MORC4: variants seen among roughly 807,000 people sequenced by gnomAD.
MORC4 encodes the protein MORC family CW-type zinc finger protein 4.
A neutral mutation model predicts 65.5 loss-of-function variants in MORC4; 22 were observed. The observed-to-expected ratio is 0.34, with a 90% CI of 0.24 to 0.48. The LOEUF is 0.48. Among genes scored for constraint, MORC4 ranks in the 20% least tolerant of loss-of-function variants. The probability of loss-of-function intolerance (pLI) is 0.99; values close to 1 mark genes in which losing one functional copy is unlikely to be tolerated. For missense variants in MORC4, 624 were observed against 703.0 expected (o/e 0.89, Z 1.27); for synonymous variants, 267 against 255.8 (o/e 1.04, Z -0.42).
chrX:106,978,037 A>G (rs1339481836), intron 8 of MORC4, 43 bp downstream of exon 8: 2 of 1,196,930 alleles, frequency 1.7e-6, no homozygotes, highest in African/African-American at 1.8e-5. Flanking sequence ...TTCTCTTCCT[A>G]CTCTTTTCAG....
At chrX:106,995,867 C>T (rs1935069747) in intron 2 of MORC4, among the ~76,000 whole-genome samples, 1 of 112,215 alleles carries the variant, frequency 8.9e-6, no homozygotes, top group Non-Finnish European at 1.9e-5. Context: ...TTTCAAGAAC[C>T]TTTACTCGCC....
intron 5 of MORC4, 104 bp from the exon 6 acceptor site, chrX:106,981,581 A>G: frequency 1.4e-6 from 1 of 728,229 alleles, no homozygotes; most frequent in Non-Finnish European, 2.0e-6. Context: ...GCCAAAACTC[A>G]GGTATCTGTT....
At chrX:106,976,888 G>A (rs1934636023) in intron 8 of MORC4, among the ~76,000 whole-genome samples, 1 of 111,365 alleles carries the variant, frequency 9.0e-6, no homozygotes, top group East Asian at 2.8e-4. Flanking sequence ...TTCTAGGGCA[G>A]AGATTTTCAA....
At chrX:106,947,939 C>A (rs1367308210) in intron 14 of MORC4, among the ~76,000 whole-genome samples, 1 of 109,793 alleles carries the variant, frequency 9.1e-6, no homozygotes. Context: ...TATATAAAAT[C>A]TGATATCTGT....
chrX:106,947,880 T>C (rs752017092), intron 14 of MORC4, among the ~76,000 whole-genome samples: 13 of 107,858 alleles, frequency 1.2e-4, no homozygotes, highest in Non-Finnish European at 1.9e-4. Context: ...ACAATAATAG[T>C]TGGAGACTTC....
intron 3 of MORC4, among the ~76,000 whole-genome samples, chrX:106,990,243 T>C (rs1207496405): frequency 9.1e-6 from 1 of 109,946 alleles, no homozygotes; most frequent in African/African-American, 3.3e-5. Flanking sequence ...AAAAAATCTC[T>C]TTTATTTTTA....
chrX:106,970,319 A>G (rs374665223), intron 9 of MORC4, among the ~76,000 whole-genome samples: 1 of 112,267 alleles, frequency 8.9e-6, no homozygotes, highest in African/African-American at 3.2e-5. Flanking sequence ...TATTGATGGA[A>G]CCTATCTCAA....
At chrX:106,964,000 C>T (rs1934315359) in intron 9 of MORC4, among the ~76,000 whole-genome samples, 2 of 110,052 alleles carry the variant, frequency 1.8e-5, no homozygotes, top group Admixed American at 9.7e-5. Flanking sequence ...GGCATACAAA[C>T]AAACAAGACA....
chrX:106,960,062 CCTCTAAG>C (rs1235252297), intron 10 of MORC4, among the ~76,000 whole-genome samples: 1 of 112,074 alleles, frequency 8.9e-6, no homozygotes, highest in Non-Finnish European at 1.9e-5. Flanking sequence ...AGCCTTGCAA[CCTCTAAG>C]CTCTAAGCTC....
At chrX:106,942,246 A>G in intron 15 of MORC4, 25 bp from the exon 16 acceptor site, 1 of 1,190,041 alleles carries the variant, frequency 8.4e-7, no homozygotes, top group Non-Finnish European at 1.1e-6. Flanking sequence ...ACAGAAATTC[A>G]ATGACCCCAC....
chrX:106,961,968 G>A (rs1934255525), intron 10 of MORC4, 44 bp downstream of exon 10: 2 of 1,014,748 alleles, frequency 2.0e-6, no homozygotes, highest in Non-Finnish European at 2.8e-6. Flanking sequence ...TTTGATCTAT[G>A]GATATTACCC....
intron 14 of MORC4, among the ~76,000 whole-genome samples, chrX:106,947,530 G>GGT (rs1933858978): frequency 1.3e-5 from 1 of 77,843 alleles, no homozygotes; most frequent in African/African-American, 5.0e-5. Flanking sequence ...TCTGTAGTTA[G>GGT]GTATATATAT....
At chrX:106,994,636 A>T (rs1182642852) in intron 2 of MORC4, among the ~76,000 whole-genome samples, 1 of 112,488 alleles carries the variant, frequency 8.9e-6, no homozygotes, top group Non-Finnish European at 1.9e-5. Context: ...CAAAACACAG[A>T]TTAATTTCAA....
At chrX:106,975,104 T>C (rs1934596676) in intron 9 of MORC4, among the ~76,000 whole-genome samples, 1 of 111,634 alleles carries the variant, frequency 9.0e-6, no homozygotes, top group Admixed American at 9.5e-5. Context: ...ACCAAAGATC[T>C]AATGCCTGTA....
At chrX:106,950,562 A>C (rs1308005081) in intron 14 of MORC4, among the ~76,000 whole-genome samples, 2 of 112,308 alleles carry the variant, frequency 1.8e-5, no homozygotes, top group East Asian at 5.6e-4. Flanking sequence ...ACCTATGAGC[A>C]AGCTCGGGTA....
intron 2 of MORC4, among the ~76,000 whole-genome samples, chrX:106,998,189 T>C (rs1294887753): frequency 1.8e-5 from 2 of 112,424 alleles, no homozygotes; most frequent in Non-Finnish European, 3.7e-5. Flanking sequence ...CAGTTAACAC[T>C]TTGCTCTCTC....
intron 3 of MORC4, among the ~76,000 whole-genome samples, chrX:106,992,421 A>G (rs769215262): frequency 8.9e-6 from 1 of 112,343 alleles, no homozygotes; most frequent in East Asian, 2.8e-4. Flanking sequence ...AGAGTAATCA[A>G]CCTCATCTGC....
At chrX:106,973,551 A>G (rs1934566799) in intron 9 of MORC4, among the ~76,000 whole-genome samples, 1 of 112,235 alleles carries the variant, frequency 8.9e-6, no homozygotes, top group Non-Finnish European at 1.9e-5. Context: ...ACTGTGATAG[A>G]CATAATAATG....
chrX:106,974,887 T>C (rs183045016), intron 9 of MORC4, among the ~76,000 whole-genome samples: 3 of 112,041 alleles, frequency 2.7e-5, no homozygotes, highest in East Asian at 2.8e-4. Context: ...GGTGCCAGAA[T>C]TGGCATGAGT....
Sources: gnomAD v4.1 joint callset for allele counts (sites outside exome capture counted in the v4.1 genomes callset) on GRCh38, gnomAD v4.1.1 for gene constraint, MANE v1.5 for transcripts, NCBI Gene and HGNC (gene_info 2026-07-23, HGNC 2026-07-21) for gene names.